Variants in F13A1 observed in about 807,000 individuals in gnomAD.
F13A1 encodes coagulation factor XIII A chain.
Under a neutral mutation model 80.1 loss-of-function variants are expected in F13A1, and 47 were observed. That is an observed-to-expected ratio of 0.59 (90% confidence interval 0.46 to 0.75). The LOEUF is 0.75. Ranked by LOEUF, F13A1 falls within the 30% of genes least tolerant of loss-of-function variation. The probability of loss-of-function intolerance (pLI) is 0.00; values close to 1 mark genes in which losing one functional copy is unlikely to be tolerated. For synonymous variants in F13A1, 349 were observed against 344.9 expected (o/e 1.01, Z -0.13); for missense variants, 817 against 930.4 (o/e 0.88, Z 1.59).
chr6:6,209,385 T>G (rs1413301489), intron 8 of F13A1, among the ~76,000 whole-genome samples: 1 of 151,412 alleles, frequency 6.6e-6, no homozygotes. Context: ...GGAACTTTTG[T>G]GTATTGCTAG....
At chr6:6,211,987 A>G (rs962962513) in intron 8 of F13A1, among the ~76,000 whole-genome samples, 4 of 152,154 alleles carry the variant, frequency 2.6e-5, no homozygotes, top group African/African-American at 9.7e-5. Flanking sequence ...AAAAAACGGC[A>G]CACCAGGAGA....
At position 6,181,837 on chromosome 6, in the gene F13A1, G is replaced by T. The variant is rs767934787; in HGVS notation, c.1459+151C>A. 1.8e-4 allele frequency: 144 copies of T among 816,700 alleles called. 2 individuals are homozygous for T. The South Asian group carries it at 2.2e-3, about 13-fold the overall frequency. 50.6% of individuals were successfully genotyped at this position (816,700 alleles called of 1,614,324 possible). On this transcript the variant is annotated intron_variant, in intron 11 of 14. Transcript: ENST00000264870. Reference sequence around the variant, plus strand: ...TACAATGAAAAATTGCATATGTGACGTGTCTTTCACACGTGAAAGTTTATA... The same window carrying T: ...TACAATGAAAAATTGCATATGTGACTTGTCTTTCACACGTGAAAGTTTATA...
Position 6,301,878 on chromosome 6 carries a change from C to G in F13A1, c.319+3473G>C, listed in dbSNP as rs9392106. 2.0e-3 allele frequency among the ~76,000 whole-genome samples: 311 copies of G among 152,308 alleles called. 6 individuals carry two copies. In the East Asian group the frequency reaches 0.048, roughly 24 times the overall value. ...CTCAAGGCGAGACAACTCTGAAGAT[C>G]CAACCCATAGCTAGAGTTCACCTTG... On this transcript the variant is annotated intron_variant, in intron 3 of 14. Coordinates refer to ENST00000264870, the MANE Select transcript of F13A1 (RefSeq NM_000129.4).
At chr6:6,195,653 T>G (rs1360312960) in intron 10 of F13A1, 144 bp downstream of exon 10, 2 of 752,388 alleles carry the variant, frequency 2.7e-6, no homozygotes, top group Non-Finnish European at 4.7e-6. Context: ...AGCCTGGAAG[T>G]TGGAATAATG....
intron 10 of F13A1, among the ~76,000 whole-genome samples, chr6:6,182,586 G>T (rs1430994746): frequency 6.6e-6 from 1 of 152,220 alleles, no homozygotes; most frequent in African/African-American, 2.4e-5. Flanking sequence ...AAAGGAGAGA[G>T]GTACATGGAT....
intron 8 of F13A1, among the ~76,000 whole-genome samples, chr6:6,218,916 G>A (rs750912154): frequency 6.6e-6 from 1 of 152,118 alleles, no homozygotes; most frequent in Non-Finnish European, 1.5e-5. Flanking sequence ...CTGATTTCTG[G>A]TTTCGGCAGG....
rs1030533414 is a variant in F13A1, at chr6:6,144,238, T to A, written c.*1381A>T. Reference sequence around the variant, plus strand: ...ATGCTGTGAGATTACTTAGTAAAGTTAAGTATGATGTATATATAGAGGGGA... The same window carrying A: ...ATGCTGTGAGATTACTTAGTAAAGTAAAGTATGATGTATATATAGAGGGGA... On this transcript the variant is annotated 3_prime_UTR_variant, in exon 15 of 15. Coordinates refer to ENST00000264870, the MANE Select transcript of F13A1 (RefSeq NM_000129.4). The A allele has an allele frequency of 6.6e-6, 1 of 152,166 alleles. No individual in the cohort carries two copies. The highest frequency in any genetic ancestry group is 1.5e-5 in the Non-Finnish European group (1 of 68,030). The allele number at this position is 152,166 out of a possible 1,614,324, so 9.4% of individuals were successfully genotyped here. A position where few individuals can be genotyped will look rare whatever the true frequency, so the allele number is the denominator to read the frequency against.
chr6:6,151,107 T>A (rs1760365891), intron 14 of F13A1, among the ~76,000 whole-genome samples: 1 of 152,176 alleles, frequency 6.6e-6, no homozygotes, highest in Admixed American at 6.5e-5. Context: ...GGTTATCTTG[T>A]TGGGTCACAC....
At chr6:6,251,930 A>G (rs1242516739) in intron 4 of F13A1, among the ~76,000 whole-genome samples, 1 of 152,162 alleles carries the variant, frequency 6.6e-6, no homozygotes, top group African/African-American at 2.4e-5. Flanking sequence ...ATGTCCTAGG[A>G]AGCAATGGCG....
intron 3 of F13A1, among the ~76,000 whole-genome samples, chr6:6,277,474 T>C (rs956023925): frequency 2.6e-5 from 4 of 152,116 alleles, no homozygotes; most frequent in African/African-American, 9.7e-5. Flanking sequence ...ATAAACTATG[T>C]TCTAACTGCC....
At chr6:6,153,466 A>G (rs1392989939) in intron 13 of F13A1, among the ~76,000 whole-genome samples, 1 of 152,164 alleles carries the variant, frequency 6.6e-6, no homozygotes, top group Non-Finnish European at 1.5e-5. Flanking sequence ...TCATCAAGCC[A>G]TGCTTTGTGA....
chr6:6,241,169 A>G (rs1004256713), intron 6 of F13A1, among the ~76,000 whole-genome samples: 2 of 152,208 alleles, frequency 1.3e-5, no homozygotes, highest in Admixed American at 6.5e-5. Flanking sequence ...ATAAAAGCTG[A>G]TAGGGTTGGA....
intron 3 of F13A1, among the ~76,000 whole-genome samples, chr6:6,302,684 ACTTAGG>A (rs546585081): frequency 9.1e-4 from 130 of 143,396 alleles, no homozygotes; most frequent in African/African-American, 3.4e-3. Context: ...AACACTATAA[ACTTAGG>A]CTACAGTACA....
At chr6:6,313,986 C>CTTTTTTGT (rs1376965003) in intron 2 of F13A1, among the ~76,000 whole-genome samples, 1 of 142,116 alleles carries the variant, frequency 7.0e-6, no homozygotes, top group Non-Finnish European at 1.5e-5. Context: ...TCTCCTTACT[C>CTTTTTTGT]TTTTTTTTTT....
chr6:6,265,893 G>C (rs1285654349), intron 4 of F13A1, among the ~76,000 whole-genome samples: 2 of 152,192 alleles, frequency 1.3e-5, no homozygotes, highest in African/African-American at 4.8e-5. Flanking sequence ...TTTGTTTACA[G>C]AGTAATAGTG....
chr6:6,303,568 T>C (rs532454329), intron 3 of F13A1, among the ~76,000 whole-genome samples: 3 of 152,330 alleles, frequency 2.0e-5, no homozygotes, highest in South Asian at 4.1e-4. Context: ...ATCTACTCTT[T>C]TAGTAATTTG....
At chr6:6,198,486 G>A (rs948535477) in intron 8 of F13A1, among the ~76,000 whole-genome samples, 11 of 152,130 alleles carry the variant, frequency 7.2e-5, no homozygotes, top group African/African-American at 1.9e-4. Context: ...CACGGGTTCC[G>A]TGCCTAGACG....
chr6:6,232,105 A>C (rs1020846947), intron 6 of F13A1, among the ~76,000 whole-genome samples: 7 of 152,214 alleles, frequency 4.6e-5, no homozygotes, highest in Non-Finnish European at 1.0e-4. Flanking sequence ...ACATTTCAAC[A>C]CTAACATTGA....
intron 2 of F13A1, among the ~76,000 whole-genome samples, chr6:6,310,562 T>C (rs924904946): frequency 3.3e-5 from 5 of 152,202 alleles, no homozygotes; most frequent in Admixed American, 6.5e-5. Context: ...AGTAAGAGCA[T>C]AGACTGTGGA....
Sources: gnomAD v4.1 joint callset for allele counts (sites outside exome capture counted in the v4.1 genomes callset) on GRCh38, gnomAD v4.1.1 for gene constraint, MANE v1.5 for transcripts, NCBI Gene and HGNC (gene_info 2026-07-23, HGNC 2026-07-21) for gene names.